The following SLC29A1 variants were observed in gnomAD, a reference collection of about 807,000 sequenced individuals.
SLC29A1 encodes the protein solute carrier family 29 member 1 (Augustine blood group).
SLC29A1 carries 22 observed loss-of-function variants against 48.3 expected under a neutral mutation model. The observed-to-expected ratio is 0.46, with a 90% CI of 0.33 to 0.65. The LOEUF (loss-of-function observed/expected upper bound fraction) is 0.65, where lower values mean the gene tolerates loss of function less well. SLC29A1 is among the 30% of genes least tolerant of loss of function. SLC29A1 has a pLI of 0.03. For synonymous variants in SLC29A1, 228 were observed against 231.0 expected (o/e 0.99, Z 0.12); for missense variants, 491 against 575.3 (o/e 0.85, Z 1.50).
Position 44,232,692 on chromosome 6 carries a change from A to AG in SLC29A1, c.1060-114dup. The AG allele has an allele frequency of 1.1e-6, 1 of 950,850 alleles. No homozygotes were observed. Among genetic ancestry groups the AG allele is most frequent in the Middle Eastern group, 3.1e-4 (1 of 3,228 alleles). 58.9% of individuals were successfully genotyped at this position (950,850 alleles called of 1,614,324 possible). A position where few individuals can be genotyped will look rare whatever the true frequency, so the allele number is the denominator to read the frequency against. ...CCCTTTCAAGAGTAACCCCCTAAGG[A>AG]GAACCAGGCTTTGAGGTTTCAGTTC... On this transcript the variant is annotated intron_variant, in intron 11 of 12. Transcript: ENST00000371755. This position sits in a 1 kb window ranked among gnomAD's most constrained non-coding sequence, Gnocchi z 4.7.
upstream of SLC29A1, chr6:44,219,690 C>G: frequency 7.8e-7 from 1 of 1,287,984 alleles, no homozygotes; most frequent in South Asian, 1.2e-5. Context: ...ATGGCCCCAG[C>G]CCCGAGATGA....
upstream of SLC29A1, among the ~76,000 whole-genome samples, chr6:44,220,740 G>A (rs1316897998): frequency 2.0e-5 from 3 of 151,460 alleles, no homozygotes; most frequent in African/African-American, 4.9e-5. Flanking sequence ...CAGGAGACTC[G>A]CTTGAACCCA....
chr6:44,224,137 C>T (rs1279976607), intron 1 of SLC29A1, among the ~76,000 whole-genome samples: 1 of 152,084 alleles, frequency 6.6e-6, no homozygotes, highest in Non-Finnish European at 1.5e-5. Flanking sequence ...CTGCGCACGT[C>T]TTCATTTACT....
chr6:44,230,879 C>G lies in SLC29A1; in HGVS notation c.756C>G (p.Leu252=), dbSNP rs755679281. ...GGGAGCAGGAGACCAAGTTGGACCT[C>G]ATTAGCAAAGGTCCGAAGAGCCTGA... ...GPGEQETKLD[L]ISKGEEPRAG... is the part of the protein sequence containing the mutation. The change falls in exon 8 of 13, where the codon CTC becomes CTG. Residue 252 remains leucine, a synonymous_variant. Coordinates refer to ENST00000371755, the MANE Select transcript of SLC29A1 (RefSeq NM_001372327.1). 1.2e-6 allele frequency: 2 copies of G among 1,613,442 alleles called. No homozygotes were observed. The highest frequency in any genetic ancestry group is 8.5e-7 in the Non-Finnish European group (1 of 1,179,532).
intron 1 of SLC29A1, 60 bp from the exon 2 acceptor site, chr6:44,227,203 G>A: frequency 1.3e-6 from 2 of 1,532,080 alleles, no homozygotes; most frequent in Non-Finnish European, 1.8e-6. Context: ...CCCCCTAAGA[G>A]CCTGAGGAGG....
In SLC29A1 at chr6:44,230,880, A is replaced by G. The variant is rs1778700793; in HGVS notation, c.757A>G (p.Ile253Val). 4 of 1,613,354 alleles carry G rather than the reference A, an allele frequency of 2.5e-6. No homozygotes were observed. Among genetic ancestry groups the G allele is most frequent in the South Asian group, 1.1e-5 (1 of 91,068 alleles). Residue 253 changes from isoleucine (I) to valine (V), a missense_variant, in exon 8 of 13, where the codon ATT becomes GTT. Transcript: ENST00000371755. ...GGAGCAGGAGACCAAGTTGGACCTC[A>G]TTAGCAAAGGTCCGAAGAGCCTGAG... ...PGEQETKLDLISKGEEPRAGK... is the reference protein window; with the variant it reads ...PGEQETKLDLVSKGEEPRAGK...
chr6:44,219,824 G>A (rs1186807011), upstream of SLC29A1: 2 of 1,108,720 alleles, frequency 1.8e-6, no homozygotes, highest in African/African-American at 1.6e-5. Context: ...GGCGGGGTGG[G>A]GTGGGGGCGA....
In SLC29A1 at chr6:44,226,052, C is replaced by T. The variant is rs530905175; in HGVS notation, c.-51-1211C>T. 149 of 965,070 alleles carry T rather than the reference C, an allele frequency of 1.5e-4. 1 individual carries two copies. The Admixed American group carries it at 2.6e-3, about 17-fold the overall frequency. 59.8% of individuals were successfully genotyped at this position (965,070 alleles called of 1,614,324 possible). On this transcript the variant is annotated intron_variant, in intron 1 of 12. Transcript: ENST00000371755. ...TGTGCCACCTTTTTCATTCTGGATC[C>T]GCACCCAGGAGCCCGTGGACAAGGC...
Position 44,232,601 on chromosome 6 carries a change from A to G in SLC29A1, c.1059+173A>G. 1.6e-6 allele frequency: 1 copy of G among 640,322 alleles called. No individual in the cohort carries two copies. Among genetic ancestry groups the G allele is most frequent in the African/African-American group, 1.8e-5 (1 of 54,628 alleles). 39.7% of individuals were successfully genotyped at this position (640,322 alleles called of 1,614,324 possible). On this transcript the variant is annotated intron_variant, in intron 11 of 12. Coordinates refer to ENST00000371755, the MANE Select transcript of SLC29A1 (RefSeq NM_001372327.1). This position sits in a 1 kb window ranked among gnomAD's most constrained non-coding sequence, Gnocchi z 4.7. Reference sequence around the variant, plus strand: ...AGTGTACAACTTAATGAATATATGTATATACACATACCTGCCCAGATCGAG... The same window carrying G: ...AGTGTACAACTTAATGAATATATGTGTATACACATACCTGCCCAGATCGAG...
intron 5 of SLC29A1, 30 bp from the exon 6 acceptor site, chr6:44,230,317 C>G: frequency 5.6e-6 from 9 of 1,599,796 alleles, no homozygotes; most frequent in Non-Finnish European, 6.8e-6. Flanking sequence ...AGCCCTAGCT[C>G]CCCTGCTCAT....
In SLC29A1 at chr6:44,229,979, G is replaced by A. The variant is rs1397729369; in HGVS notation, c.387G>A (p.Leu129=). 1 of 1,612,762 alleles carries A rather than the reference G, an allele frequency of 6.2e-7. No individual in the cohort carries two copies. The highest frequency in any genetic ancestry group is 8.5e-7 in the Non-Finnish European group (1 of 1,179,994). Residue 129 remains leucine, a synonymous_variant, in exon 5 of 13, where the codon CTG becomes CTA. Coordinates refer to ENST00000371755, the MANE Select transcript of SLC29A1 (RefSeq NM_001372327.1). This position sits in a 1 kb window ranked among gnomAD's most constrained non-coding sequence, Gnocchi z 5.1. ...TGGTGTTTCTGATCACTGCCATCCTGGTGAAGGTGCAGCTGGATGCTCTGC... is the reference window on the plus strand; with the variant it reads ...TGGTGTTTCTGATCACTGCCATCCTAGTGAAGGTGCAGCTGGATGCTCTGC... ...ILLVFLITAI[L]VKVQLDALPF... is the part of the protein sequence containing the mutation.
chr6:44,219,827 G>A (rs1446175650), upstream of SLC29A1: 2 of 1,076,372 alleles, frequency 1.9e-6, no homozygotes, highest in African/African-American at 3.3e-5. Context: ...GGGGTGGGGT[G>A]GGGGCGAGGT....
At chr6:44,227,439 GCCTT>G in intron 2 of SLC29A1, 97 bp downstream of exon 2, 3 of 1,081,854 alleles carry the variant, frequency 2.8e-6, no homozygotes, top group Non-Finnish European at 4.2e-6. Flanking sequence ...TTGCTGGCTG[GCCTT>G]CCAGCCAGGT....
At chr6:44,220,651 A>T (rs1159717893), upstream of SLC29A1, among the ~76,000 whole-genome samples, 3 of 71,234 alleles carry the variant, frequency 4.2e-5, no homozygotes, top group African/African-American at 9.6e-5. Context: ...CGTCTCTACT[A>T]AAAAAAAAAA....
chr6:44,223,660 GA>G lies in SLC29A1; in HGVS notation c.-52+20del. 8.5e-7 allele frequency: 1 copy of G among 1,172,066 alleles called. No homozygotes were observed. The highest frequency in any genetic ancestry group is 1.1e-6 in the Non-Finnish European group (1 of 928,802). The allele number at this position is 1,172,066 out of a possible 1,614,324, so 72.6% of individuals were successfully genotyped here. A position where few individuals can be genotyped will look rare whatever the true frequency, so the allele number is the denominator to read the frequency against. ...GCGGCAGGTGCTGCCCGGGGCCGGG[GA>G]CTGGGGACTGGGGACTGCCGGGGCG... is the stretch of plus-strand genomic sequence containing the variant. On this transcript the variant is annotated intron_variant, in intron 1 of 12. Coordinates refer to ENST00000371755, the MANE Select transcript of SLC29A1 (RefSeq NM_001372327.1). This position sits in a 1 kb window ranked among gnomAD's most constrained non-coding sequence, Gnocchi z 5.0.
chr6:44,229,604 C>T lies in SLC29A1; in HGVS notation c.127C>T (p.Leu43=). ...ACCCCTGCAGTATTTCACAAACCGC[C>T]TGGACATGTCCCAGAATGTGTCCTT... ...MTATQYFTNR[L]DMSQNVSLVT... The change falls in exon 4 of 13, where the codon CTG becomes TTG. Residue 43 remains leucine, a synonymous_variant. Transcript: ENST00000371755. The surrounding 1 kb of genome is among the most constrained non-coding windows in gnomAD (Gnocchi z 5.1). 1 of 1,614,160 alleles carries T rather than the reference C, an allele frequency of 6.2e-7. No homozygotes were observed. The highest frequency in any genetic ancestry group is 8.5e-7 in the Non-Finnish European group (1 of 1,180,006).
rs369022767 is a variant in SLC29A1, at chr6:44,230,597, G to A, written c.619G>A (p.Gly207Ser). ...CTCGGAGCTATCAGAAAGTGCCTTC[G>A]GCTACTTTATCACAGCCTGTGCTGT... ...SGSELSESAF[G>S]YFITACAVII... is the part of the protein sequence containing the mutation. The change falls in exon 7 of 13, where the codon GGC becomes AGC. Residue 207 changes from glycine (G) to serine (S), a missense_variant. Coordinates refer to ENST00000371755, the MANE Select transcript of SLC29A1 (RefSeq NM_001372327.1). 25 of 1,613,812 alleles carry A rather than the reference G, an allele frequency of 1.5e-5. No individual in the cohort carries two copies. Among genetic ancestry groups the A allele is most frequent in the Middle Eastern group, 3.3e-4 (2 of 6,084 alleles).
At chr6:44,223,458 GCGCGGAGTCGC>G (rs1776709062), upstream of SLC29A1, 2 of 844,856 alleles carry the variant, frequency 2.4e-6, no homozygotes, top group East Asian at 1.2e-4. The surrounding 1 kb of genome is among the most constrained non-coding windows in gnomAD (Gnocchi z 5.0). Context: ...GCGGCGGAGC[GCGCGGAGTCGC>G]CGCGGGGTGG....
chr6:44,220,757 G>A (rs1248853278), upstream of SLC29A1, among the ~76,000 whole-genome samples: 2 of 151,924 alleles, frequency 1.3e-5, no homozygotes, highest in African/African-American at 2.4e-5. Flanking sequence ...CCCAGGAGGT[G>A]GAGGTTGCAG....
Sources: gnomAD v4.1 joint callset for allele counts (sites outside exome capture counted in the v4.1 genomes callset) on GRCh38, gnomAD v4.1.1 for gene constraint, Gnocchi (gnomAD v3.1) non-coding constraint, MANE v1.5 for transcripts, NCBI Gene and HGNC (gene_info 2026-07-23, HGNC 2026-07-21) for gene names.